The following FOCAD variants were observed in gnomAD, a reference collection of about 807,000 sequenced individuals.
FOCAD encodes the protein focadhesin.
Under a neutral mutation model 225.6 loss-of-function variants are expected in FOCAD, and 198 were observed. The ratio of observed to expected loss-of-function variants is 0.88; its 90% confidence interval spans 0.78 to 0.99. The LOEUF (loss-of-function observed/expected upper bound fraction) is 0.99, where lower values mean the gene tolerates loss of function less well. Ranked by LOEUF, FOCAD falls within the 50% of genes least tolerant of loss-of-function variation. The pLI is 0.00. For synonymous variants in FOCAD, 897 were observed against 755.0 expected (o/e 1.19, Z -3.08); for missense variants, 2,713 against 2,123.6 (o/e 1.28, Z -5.46).
At chr9:20,829,471 G>A (rs1407167168) in intron 15 of FOCAD, among the ~76,000 whole-genome samples, 1 of 151,700 alleles carries the variant, frequency 6.6e-6, no homozygotes, top group Admixed American at 6.6e-5. Context: ...ATCCCATGTA[G>A]TTTTCATTTG....
At chr9:20,812,173 C>G (rs962758439) in intron 11 of FOCAD, among the ~76,000 whole-genome samples, 1 of 152,014 alleles carries the variant, frequency 6.6e-6, no homozygotes, top group Non-Finnish European at 1.5e-5. Flanking sequence ...TAAAAGCAGA[C>G]ACTGCTTTGG....
In FOCAD at chr9:20,985,878, A is replaced by G. The variant is rs570839033; in HGVS notation, c.4729-410A>G. On this transcript the variant is annotated intron_variant, in intron 39 of 43. Coordinates refer to ENST00000338382, the MANE Select transcript of FOCAD (RefSeq NM_001375567.1). ...CTAACATAAAAATAGTTTTGACCTC[A>G]CAGAACCTCTTATGTATCTTGGGGT... Among the ~76,000 whole-genome samples, 394 of 152,296 alleles carry G rather than the reference A, an allele frequency of 2.6e-3. 7 individuals carry two copies. The highest frequency in any genetic ancestry group is 9.1e-3 in the African/African-American group (380 of 41,566).
Position 20,986,266 on chromosome 9 carries a change from A to ATTTTTTTTTTTTTT in FOCAD, c.4729-18_4729-5dup, listed in dbSNP as rs545976303. ...CAGTTAATTTAATAGTAACTAAACA[A>ATTTTTTTTTTTTTT]TTTTTTTTTTTTTTTTTGCAGAGCA... is the stretch of plus-strand genomic sequence containing the variant. On this transcript the variant is annotated intron_variant, in intron 39 of 43. Transcript: ENST00000338382. 2,321 of 709,582 alleles carry ATTTTTTTTTTTTTT rather than the reference A, an allele frequency of 3.3e-3. 648 individuals carry two copies. Among genetic ancestry groups the ATTTTTTTTTTTTTT allele is most frequent in the African/African-American group, 0.02 (654 of 33,036 alleles). The allele number at this position is 709,582 out of a possible 1,614,324, so 44.0% of individuals were successfully genotyped here. A position where few individuals can be genotyped will look rare whatever the true frequency, so the allele number is the denominator to read the frequency against.
chr9:20,941,940 G>T (rs1182547568), intron 28 of FOCAD, among the ~76,000 whole-genome samples: 1 of 152,118 alleles, frequency 6.6e-6, no homozygotes, highest in Admixed American at 6.5e-5. Flanking sequence ...GCACCTGGGG[G>T]AACATTTTAA....
At chr9:20,896,998 G>A (rs1398555265) in intron 21 of FOCAD, 2 of 151,800 alleles carry the variant, frequency 1.3e-5, no homozygotes. Context: ...AAGTGTTGAA[G>A]TCTCTGGCTA....
At chr9:20,669,871 G>C (rs986825387) in intron 2 of FOCAD, among the ~76,000 whole-genome samples, 1 of 152,176 alleles carries the variant, frequency 6.6e-6, no homozygotes, top group Non-Finnish European at 1.5e-5. Flanking sequence ...GCAAGCACAG[G>C]AACTTTCTTA....
intron 2 of FOCAD, among the ~76,000 whole-genome samples, chr9:20,661,436 T>A (rs1229593965): frequency 6.6e-6 from 1 of 152,116 alleles, no homozygotes; most frequent in African/African-American, 2.4e-5. Flanking sequence ...CTGACTTGGT[T>A]GTGAGGAGTG....
intron 15 of FOCAD, among the ~76,000 whole-genome samples, chr9:20,831,253 G>T (rs555247459): frequency 5.3e-5 from 8 of 152,180 alleles, no homozygotes; most frequent in African/African-American, 1.9e-4. Context: ...CAGTGTTCAG[G>T]CCAGTTATCA....
At chr9:20,916,108 GA>G (rs1279478530) in intron 23 of FOCAD, among the ~76,000 whole-genome samples, 9 of 152,076 alleles carry the variant, frequency 5.9e-5, no homozygotes, top group Non-Finnish European at 1.3e-4. Context: ...AAATATTTAT[GA>G]ATGTCAATAT....
intron 1 of FOCAD, among the ~76,000 whole-genome samples, chr9:20,688,116 C>A (rs948782117): frequency 6.6e-6 from 1 of 152,160 alleles, no homozygotes; most frequent in Non-Finnish European, 1.5e-5. Flanking sequence ...CTCTTCCACA[C>A]CGTGTTAGCC....
At chr9:20,915,639 T>C (rs1260159336) in intron 23 of FOCAD, among the ~76,000 whole-genome samples, 1 of 152,168 alleles carries the variant, frequency 6.6e-6, no homozygotes, top group African/African-American at 2.4e-5. Flanking sequence ...CATAATCTTT[T>C]ACACAAGTTT....
At chr9:20,948,990 G>T in intron 32 of FOCAD, 62 bp downstream of exon 32, 4 of 1,468,106 alleles carry the variant, frequency 2.7e-6, no homozygotes, top group Non-Finnish European at 3.8e-6. Context: ...AGCGGGAGAA[G>T]AATACCCAGT....
At chr9:20,793,524 A>G (rs1433458861) in intron 11 of FOCAD, among the ~76,000 whole-genome samples, 1 of 152,146 alleles carries the variant, frequency 6.6e-6, no homozygotes, top group Non-Finnish European at 1.5e-5. Flanking sequence ...GTTCTCATTG[A>G]AGGAATTGTA....
intron 21 of FOCAD, among the ~76,000 whole-genome samples, chr9:20,906,382 T>C (rs1832981076): frequency 6.6e-6 from 1 of 152,036 alleles, no homozygotes; most frequent in African/African-American, 2.4e-5. Context: ...TGTTTGACTT[T>C]CGATGTGTTA....
rs752612989 is a variant in FOCAD at position 20,874,826 on chromosome 9, T to C, written c.2317+19T>C. The stretch of plus-strand genomic sequence containing the variant: ...TTACCAGGTGACTCCTATTTGGTAG[T>C]AGAGAAGCTAGCATTTTTTAGTGGT... On this transcript the variant is annotated intron_variant, in intron 19 of 43. Coordinates refer to ENST00000338382, the MANE Select transcript of FOCAD (RefSeq NM_001375567.1). The C allele has an allele frequency of 2.5e-6, 4 of 1,613,120 alleles. No individual in the cohort carries two copies. In the African/African-American group the frequency reaches 5.3e-5, roughly 22 times the overall value.
At chr9:20,793,239 T>C (rs536237105) in intron 11 of FOCAD, among the ~76,000 whole-genome samples, 1 of 152,316 alleles carries the variant, frequency 6.6e-6, no homozygotes, top group Admixed American at 6.5e-5. Context: ...ATGAAGCAAT[T>C]AGGCAAAGAG....
intron 11 of FOCAD, among the ~76,000 whole-genome samples, chr9:20,811,712 C>T (rs1038767952): frequency 1.3e-5 from 2 of 151,924 alleles, no homozygotes; most frequent in African/African-American, 4.8e-5. Flanking sequence ...GCACTTCTGT[C>T]AATAAACTTC....
At chr9:20,712,925 G>T (rs999351210) in intron 1 of FOCAD, among the ~76,000 whole-genome samples, 4 of 151,836 alleles carry the variant, frequency 2.6e-5, no homozygotes, top group Non-Finnish European at 5.9e-5. Context: ...TAGAGACAGG[G>T]TTTCGCCATG....
intron 8 of FOCAD, among the ~76,000 whole-genome samples, chr9:20,775,281 C>A (rs1359797626): frequency 4.6e-5 from 7 of 152,092 alleles, no homozygotes; most frequent in Non-Finnish European, 5.9e-5. Flanking sequence ...AACAGATGTA[C>A]CCTGACCAGC....
Sources: gnomAD v4.1 joint callset for allele counts (sites outside exome capture counted in the v4.1 genomes callset) on GRCh38, gnomAD v4.1.1 for gene constraint, MANE v1.5 for transcripts, NCBI Gene and HGNC (gene_info 2026-07-23, HGNC 2026-07-21) for gene names.